SAMD8: variants seen among roughly 807,000 people sequenced by gnomAD.
SAMD8 encodes the protein sterile alpha motif domain containing 8.
Under a neutral mutation model 42.0 loss-of-function variants are expected in SAMD8, and 20 were observed. The observed-to-expected ratio is 0.48, with a 90% CI of 0.34 to 0.69. SAMD8 has a LOEUF of 0.69. Ranked by LOEUF, SAMD8 falls within the 30% of genes least tolerant of loss-of-function variation. The pLI is 0.01. For synonymous variants in SAMD8, 162 were observed against 173.0 expected (o/e 0.94, Z 0.50); for missense variants, 328 against 511.6 (o/e 0.64, Z 3.46).
intron 1 of SAMD8, among the ~76,000 whole-genome samples, chr10:75,101,047 A>G (rs1848127647): frequency 6.6e-6 from 1 of 152,226 alleles, no homozygotes; most frequent in Non-Finnish European, 1.5e-5. Context: ...GCCACAGGCC[A>G]TGTGGGGCTG....
rs1162424401 is a variant in SAMD8, at chr10:75,174,527, C to T, written c.793-1539C>T. Among the ~76,000 whole-genome samples, 7 of 151,478 alleles carry T rather than the reference C, an allele frequency of 4.6e-5. No homozygotes were observed. The South Asian group carries it at 8.4e-4, about 18-fold the overall frequency. ...TCTACTCACCACAACCTACCCCTCC[C>T]GGGATCAAGAGATTTTCCTGCCTCA... On this transcript the variant is annotated intron_variant, in intron 4 of 5. Coordinates refer to ENST00000542569, the MANE Select transcript of SAMD8 (RefSeq NM_001174156.2).
rs1443327775 is a variant in SAMD8 at position 75,105,861 on chromosome 10, G to A, written c.-16+6133G>A. 5 of 1,547,404 alleles carry A rather than the reference G, an allele frequency of 3.2e-6. No homozygotes were observed. The African/African-American group carries it at 4.1e-5, about 13-fold the overall frequency. On this transcript the variant is annotated intron_variant, in intron 1 of 3. Transcript: ENST00000447533. ...TCACGCCCACCACACAGTGCACCAG[G>A]ACCTTGGCTGAGGAAGACATCCTGG...
At position 75,171,397 on chromosome 10, in the gene SAMD8, G is replaced by C. The variant is rs1040496808; in HGVS notation, c.792+2739G>C. ...TTAGCCAGGATGGTCTCGATCTCCT[G>C]ACCTCATGATCCGCCCGCCTTGGCC... On this transcript the variant is annotated intron_variant, in intron 4 of 5. Transcript: ENST00000542569. Among the ~76,000 whole-genome samples the C allele has an allele frequency of 2.0e-5, 3 of 151,266 alleles. No homozygotes were observed. In the East Asian group the frequency reaches 5.9e-4, roughly 30 times the overall value.
intron 1 of SAMD8, among the ~76,000 whole-genome samples, chr10:75,103,307 C>G (rs1248546717): frequency 6.6e-6 from 1 of 152,200 alleles, no homozygotes; most frequent in Non-Finnish European, 1.5e-5. Context: ...GGATAAAGAC[C>G]TAGAAGACTC....
At chr10:75,121,271 G>C (rs1256958346) in intron 1 of SAMD8, among the ~76,000 whole-genome samples, 2 of 152,144 alleles carry the variant, frequency 1.3e-5, no homozygotes, top group African/African-American at 4.8e-5. Flanking sequence ...TAAATCCTCA[G>C]TTTGAACCTA....
intron 1 of SAMD8, among the ~76,000 whole-genome samples, chr10:75,138,330 T>C (rs1392263828): frequency 2.0e-5 from 3 of 152,178 alleles, no homozygotes; most frequent in Non-Finnish European, 4.4e-5. Context: ...CCATTTCCAG[T>C]AGTATTGAGA....
intron 2 of SAMD8, among the ~76,000 whole-genome samples, chr10:75,153,584 A>G (rs1468326242): frequency 6.6e-6 from 1 of 151,352 alleles, no homozygotes; most frequent in Non-Finnish European, 1.5e-5. Flanking sequence ...ATCGCACTCC[A>G]GCCCGGGTGT....
At chr10:75,158,267 G>C (rs546236775) in intron 2 of SAMD8, among the ~76,000 whole-genome samples, 1 of 152,072 alleles carries the variant, frequency 6.6e-6, no homozygotes, top group South Asian at 2.1e-4. Flanking sequence ...AGCAGGAAAT[G>C]GTCCAGCAGA....
chr10:75,169,764 C>T (rs889793456), intron 4 of SAMD8, among the ~76,000 whole-genome samples: 6 of 152,074 alleles, frequency 3.9e-5, no homozygotes, highest in Non-Finnish European at 8.8e-5. Flanking sequence ...AGAAAATTAC[C>T]TGGTCGTGGT....
intron 1 of SAMD8, among the ~76,000 whole-genome samples, chr10:75,139,468 T>C (rs993356706): frequency 6.6e-6 from 1 of 152,194 alleles, no homozygotes; most frequent in African/African-American, 2.4e-5. Context: ...GATGGATAAA[T>C]TATTGTATAG....
chr10:75,135,687 A>T (rs1009630401), intron 1 of SAMD8, among the ~76,000 whole-genome samples: 1 of 146,786 alleles, frequency 6.8e-6, no homozygotes, highest in Non-Finnish European at 1.5e-5. Flanking sequence ...TTAACTGGGC[A>T]TGGTGGTGGG....
intron 1 of SAMD8, among the ~76,000 whole-genome samples, chr10:75,123,162 TCACCCCACCC>T (rs60218062): frequency 0.24 from 23,635 of 99,360 alleles, 2,919 homozygotes; most frequent in East Asian, 0.57. Context: ...CCACCCCACC[TCACCCCACCC>T]CACCCCACCC....
chr10:75,164,329 G>A (rs1840625640), intron 2 of SAMD8: 1 of 159,026 alleles, frequency 6.3e-6, no homozygotes, highest in Admixed American at 6.5e-5. Flanking sequence ...GTCCTTTGTG[G>A]GTAGTCCTAT....
upstream of SAMD8, chr10:75,108,294 A>T: frequency 6.6e-7 from 1 of 1,505,100 alleles, no homozygotes; most frequent in Non-Finnish European, 8.8e-7. Context: ...CTGCAGAGGG[A>T]CCGAGCCATT....
At chr10:75,105,750 G>T in intron 1 of SAMD8, 5 of 1,554,154 alleles carry the variant, frequency 3.2e-6, no homozygotes, top group Non-Finnish European at 4.3e-6. Context: ...AGACCCATCG[G>T]TGCTGCCTCA....
Position 75,168,639 on chromosome 10 carries a change from A to C in SAMD8, c.773A>C (p.His258Pro). ...FVTSLSVPGQHLQCTGKIYGS... is the reference protein window; with the variant it reads ...FVTSLSVPGQPLQCTGKIYGS... ...ACCTCCCTCTCCGTGCCAGGACAAC[A>C]CCTGCAGTGTACTGGAAAGGTAGCC... is the stretch of plus-strand genomic sequence containing the variant. The change falls in exon 4 of 6, where the codon CAC (histidine) becomes CCC (proline). Residue 258 changes from histidine (H) to proline (P), a missense_variant. Transcript: ENST00000542569. The C allele has an allele frequency of 1.2e-6, 2 of 1,610,342 alleles. No individual in the cohort carries two copies. Among genetic ancestry groups the C allele is most frequent in the Non-Finnish European group, 1.7e-6 (2 of 1,176,612 alleles).
intron 2 of SAMD8, among the ~76,000 whole-genome samples, chr10:75,155,932 C>A (rs1277028740): frequency 6.6e-6 from 1 of 152,142 alleles, no homozygotes; most frequent in Non-Finnish European, 1.5e-5. Context: ...GTTCCCAGGC[C>A]AGGTATGGTG....
In SAMD8 at chr10:75,152,540, A is replaced by G. The variant is rs111424132; in HGVS notation, c.578+1434A>G. 3.3e-3 allele frequency among the ~76,000 whole-genome samples: 495 copies of G among 150,144 alleles called. 1 individual carries two copies. Among genetic ancestry groups the G allele is most frequent in the African/African-American group, 0.012 (472 of 40,868 alleles). ...CCGTCTCAAAAAAAAAAAAAAGAAA[A>G]AAAAAAAAGAAAAATAAGAATAGAA... On this transcript the variant is annotated intron_variant, in intron 2 of 5. Transcript: ENST00000542569.
intron 3 of SAMD8, 104 bp from the exon 4 acceptor site, chr10:75,168,437 A>G: frequency 3.3e-6 from 5 of 1,532,458 alleles, no homozygotes; most frequent in Non-Finnish European, 4.4e-6. Flanking sequence ...CAAAGAGTCT[A>G]GTGATTTTTC....
Sources: gnomAD v4.1 joint callset for allele counts (sites outside exome capture counted in the v4.1 genomes callset) on GRCh38, gnomAD v4.1.1 for gene constraint, MANE v1.5 for transcripts, NCBI Gene and HGNC (gene_info 2026-07-23, HGNC 2026-07-21) for gene names.